Variants in OPA3 observed in about 807,000 individuals in gnomAD.
The protein encoded by OPA3 is outer mitochondrial membrane lipid metabolism regulator OPA3.
A neutral mutation model predicts 4.0 loss-of-function variants in OPA3; 6 were observed. The observed-to-expected ratio is 1.51, with a 90% CI of 0.83 to 2.99. The LOEUF (loss-of-function observed/expected upper bound fraction) is 2.99, where lower values mean the gene tolerates loss of function less well. OPA3 is among the 30% of genes most tolerant of loss of function. The pLI is 0.00. For synonymous variants in OPA3, 105 were observed against 117.1 expected (o/e 0.90, Z 0.67); for missense variants, 235 against 256.2 (o/e 0.92, Z 0.56).
chr19:45,579,669 T>A (rs1321917227), intron 1 of OPA3, among the ~76,000 whole-genome samples: 2 of 152,102 alleles, frequency 1.3e-5, no homozygotes, highest in Non-Finnish European at 2.9e-5. Context: ...ACATTTTATA[T>A]CCATTTACTT....
At chr19:45,535,944 T>C (rs1969112243) in intron 1 of OPA3, among the ~76,000 whole-genome samples, 1 of 151,912 alleles carries the variant, frequency 6.6e-6, no homozygotes, top group Admixed American at 6.6e-5. Context: ...ACTGGTTTTC[T>C]TGCCGGGTGT....
At chr19:45,580,005 T>C (rs964160655) in intron 1 of OPA3, among the ~76,000 whole-genome samples, 22 of 137,626 alleles carry the variant, frequency 1.6e-4, no homozygotes, top group Non-Finnish European at 2.4e-4. Flanking sequence ...TTTTTTCTTT[T>C]TTTTTTTTTG....
In OPA3 at chr19:45,553,612, C is replaced by T; in HGVS notation, c.442G>A (p.Ala148Thr). 1.9e-6 allele frequency: 3 copies of T among 1,609,134 alleles called. No individual in the cohort carries two copies. The highest frequency in any genetic ancestry group is 1.1e-5 in the South Asian group (1 of 91,010). The change falls in exon 2 of 2, where the codon GCC becomes ACC. Residue 148 changes from alanine (A) to threonine (T), a missense_variant. Transcript: ENST00000263275. ...AQVQAAPPQG[A>T]LEELRTELQE... ...AGCTCTGTGCGCAGTTCCTCCAGGG[C>T]GCCCTGTGGCGGCGCCGCCTGCACC...
chr19:45,570,363 G>A (rs1034435122), intron 1 of OPA3, among the ~76,000 whole-genome samples: 2 of 152,178 alleles, frequency 1.3e-5, no homozygotes, highest in Admixed American at 6.6e-5. Context: ...TTAGGTCTTT[G>A]CCAGCTGTGA....
intron 1 of OPA3, among the ~76,000 whole-genome samples, chr19:45,559,828 G>A (rs1006420882): frequency 6.6e-6 from 1 of 151,716 alleles, no homozygotes; most frequent in African/African-American, 2.4e-5. Flanking sequence ...GGTTCTCAAA[G>A]CTCCCTGGGC....
At chr19:45,564,314 G>C (rs1969549442) in intron 1 of OPA3, among the ~76,000 whole-genome samples, 1 of 85,330 alleles carries the variant, frequency 1.2e-5, no homozygotes, top group Admixed American at 1.4e-4. Flanking sequence ...CAGGTAGAGG[G>C]AAGAAGGGGA....
chr19:45,559,393 C>CTT lies in OPA3; in HGVS notation c.143-5484_143-5483dup, dbSNP rs1411300137. Among the ~76,000 whole-genome samples the CTT allele has an allele frequency of 3.0e-3, 296 of 97,788 alleles. 15 individuals are homozygous for CTT. Among genetic ancestry groups the CTT allele is most frequent in the East Asian group, 0.013 (35 of 2,722 alleles). 64.2% of individuals were successfully genotyped at this position (97,788 alleles called of 152,430 possible). A position where few individuals can be genotyped will look rare whatever the true frequency, so the allele number is the denominator to read the frequency against. On this transcript the variant is annotated intron_variant, in intron 1 of 1. Coordinates refer to ENST00000263275, the MANE Select transcript of OPA3 (RefSeq NM_025136.4). ...TTCTCTCTCTTCTTTCCCTCTTTTT[C>CTT]TTTCTTTTTTTTTTTTTTTTTTTTT...
At chr19:45,528,750 T>C in exon 2 of OPA3, 1 of 344,522 alleles carries the variant, frequency 2.9e-6, no homozygotes, top group South Asian at 7.9e-5. Context: ...GGAGGTGGGG[T>C]CTGATAAAAG....
rs1969557099 is a variant in OPA3 at position 45,564,712 on chromosome 19, T to G, written c.143-10801A>C. ...CCAGTGGCTCCCAGACCCCTGCTTC[T>G]CTGTCTCCCTCCAAAGCCATTTAAA... On this transcript the variant is annotated intron_variant, in intron 1 of 1. Coordinates refer to ENST00000263275, the MANE Select transcript of OPA3 (RefSeq NM_025136.4). 2.0e-5 allele frequency among the ~76,000 whole-genome samples: 3 copies of G among 152,208 alleles called. No individual in the cohort carries two copies. In the South Asian group the frequency reaches 6.2e-4, roughly 32 times the overall value.
intron 1 of OPA3, among the ~76,000 whole-genome samples, chr19:45,569,309 A>T (rs533955741): frequency 5.3e-5 from 8 of 152,228 alleles, no homozygotes; most frequent in Non-Finnish European, 1.0e-4. Flanking sequence ...AAATACAAAA[A>T]TTAGCTGGGC....
At chr19:45,528,703 A>G (rs1359615442) in exon 2 of OPA3, 3 of 257,040 alleles carry the variant, frequency 1.2e-5, no homozygotes, top group Non-Finnish European at 2.2e-5. Flanking sequence ...TGTTTTGCCA[A>G]AAGAGGTGGA....
intron 1 of OPA3, among the ~76,000 whole-genome samples, chr19:45,531,344 G>A (rs1437879414): frequency 6.6e-6 from 1 of 152,084 alleles, no homozygotes; most frequent in Non-Finnish European, 1.5e-5. Flanking sequence ...TGACGTTACT[G>A]TATGAAGGTT....
chr19:45,543,120 C>A (rs943469592), downstream of OPA3, among the ~76,000 whole-genome samples: 1 of 151,512 alleles, frequency 6.6e-6, no homozygotes, highest in African/African-American at 2.4e-5. Context: ...AGCAACCCAC[C>A]CACCTCAGCC....
intron 1 of OPA3, among the ~76,000 whole-genome samples, chr19:45,565,401 G>A (rs1052009295): frequency 9.2e-5 from 14 of 151,904 alleles, no homozygotes; most frequent in African/African-American, 2.7e-4. Flanking sequence ...AGGTCGAGGC[G>A]GGTGGATCAC....
intron 1 of OPA3, among the ~76,000 whole-genome samples, chr19:45,564,669 A>G (rs923349745): frequency 6.6e-6 from 1 of 152,126 alleles, no homozygotes; most frequent in Admixed American, 6.6e-5. Flanking sequence ...GATGGGAAGG[A>G]TCTGGGTCAA....
At chr19:45,572,588 T>TGG (rs1969696086) in intron 1 of OPA3, among the ~76,000 whole-genome samples, 1 of 102,208 alleles carries the variant, frequency 9.8e-6, no homozygotes, top group Admixed American at 1.1e-4. Context: ...TGTATATAAA[T>TGG]ATATATATTG....
At position 45,548,157 on chromosome 19, in the gene OPA3, C is replaced by T. The variant is rs549141863; in HGVS notation, c.*5357G>A. ...ATGCTTCTCCTCTCTCTGTCCACAC[C>T]GACTCCAGCTACAAGCCATTGCCAC... On this transcript the variant is annotated 3_prime_UTR_variant, in exon 2 of 2. Transcript: ENST00000263275. The T allele has an allele frequency of 5.9e-4, 583 of 985,862 alleles. 5 individuals are homozygous for T. Among genetic ancestry groups the T allele is most frequent in the South Asian group, 6.1e-4 (13 of 21,290 alleles). 61.1% of individuals were successfully genotyped at this position (985,862 alleles called of 1,614,324 possible).
intron 1 of OPA3, among the ~76,000 whole-genome samples, chr19:45,576,972 C>A (rs1228535128): frequency 6.6e-6 from 1 of 152,166 alleles, no homozygotes; most frequent in African/African-American, 2.4e-5. Flanking sequence ...AGAAAAAGGA[C>A]CAGTGCGCGC....
chr19:45,535,833 T>C (rs1046376860), intron 1 of OPA3, among the ~76,000 whole-genome samples: 1 of 149,694 alleles, frequency 6.7e-6, no homozygotes, highest in African/African-American at 2.5e-5. Context: ...AGCACAATTA[T>C]AGCTCACTAT....
Sources: gnomAD v4.1 joint callset for allele counts (sites outside exome capture counted in the v4.1 genomes callset) on GRCh38, gnomAD v4.1.1 for gene constraint, MANE v1.5 for transcripts, NCBI Gene and HGNC (gene_info 2026-07-23, HGNC 2026-07-21) for gene names.